Variants in LTBP1 observed in about 807,000 individuals in gnomAD.
LTBP1 encodes latent-transforming growth factor beta-binding protein 1.
Under a neutral mutation model 207.6 loss-of-function variants are expected in LTBP1, and 129 were observed. That is an observed-to-expected ratio of 0.62 (90% CI 0.54 to 0.72). The LOEUF (loss-of-function observed/expected upper bound fraction) is 0.72, where lower values mean the gene tolerates loss of function less well. Ranked by LOEUF, LTBP1 falls within the 30% of genes least tolerant of loss-of-function variation. The probability of loss-of-function intolerance (pLI) is 0.00; values close to 1 mark genes in which losing one functional copy is unlikely to be tolerated. For synonymous variants in LTBP1, 963 were observed against 833.7 expected (o/e 1.16, Z -2.67); for missense variants, 2,281 against 2,217.2 (o/e 1.03, Z -0.58).
chr2:33,384,415 G>T (rs901541206), intron 31 of LTBP1, among the ~76,000 whole-genome samples: 6 of 152,152 alleles, frequency 3.9e-5, no homozygotes, highest in African/African-American at 7.2e-5. Flanking sequence ...GGGTCTTTGA[G>T]GTGTGACTGT....
chr2:32,955,370 A>G (rs1196609266), intron 2 of LTBP1, among the ~76,000 whole-genome samples: 1 of 152,196 alleles, frequency 6.6e-6, no homozygotes, highest in Non-Finnish European at 1.5e-5. Flanking sequence ...ATATATGTGT[A>G]TTTTTGGGAG....
At chr2:33,321,650 T>A (rs1004299638) in intron 24 of LTBP1, among the ~76,000 whole-genome samples, 1 of 152,174 alleles carries the variant, frequency 6.6e-6, no homozygotes, top group Non-Finnish European at 1.5e-5. Context: ...TAGAAAATGC[T>A]TTTGAAAATG....
chr2:33,226,403 G>A (rs1229700585), intron 9 of LTBP1, among the ~76,000 whole-genome samples: 5 of 152,308 alleles, frequency 3.3e-5, no homozygotes, highest in Admixed American at 3.3e-4. Context: ...TTTTGGCTCT[G>A]CTCAGGAAAG....
intron 2 of LTBP1, among the ~76,000 whole-genome samples, chr2:32,980,949 G>A (rs1212304165): frequency 2.0e-5 from 3 of 152,196 alleles, no homozygotes; most frequent in African/African-American, 7.2e-5. Flanking sequence ...GCTGCCAGAT[G>A]TATTGCGCTC....
intron 7 of LTBP1, among the ~76,000 whole-genome samples, chr2:33,214,407 C>G (rs1278853686): frequency 6.6e-6 from 1 of 152,182 alleles, no homozygotes; most frequent in African/African-American, 2.4e-5. Context: ...CCCGTTTGTT[C>G]TCACGTTGGA....
intron 25 of LTBP1, among the ~76,000 whole-genome samples, chr2:33,346,957 A>G (rs1033655259): frequency 2.6e-5 from 4 of 151,978 alleles, no homozygotes; most frequent in Non-Finnish European, 5.9e-5. Context: ...GCTACTTAAA[A>G]TACAAAACAA....
intron 5 of LTBP1, among the ~76,000 whole-genome samples, chr2:33,141,766 A>T (rs1375601636): frequency 6.6e-6 from 1 of 152,154 alleles, no homozygotes; most frequent in Non-Finnish European, 1.5e-5. Context: ...TATTTTGTCT[A>T]AACCGTGGAG....
chr2:33,284,755 T>G (rs545991203), intron 19 of LTBP1, among the ~76,000 whole-genome samples: 3 of 152,322 alleles, frequency 2.0e-5, no homozygotes, highest in East Asian at 1.9e-4. Flanking sequence ...GTAGAGATCT[T>G]AGTTCCCTGA....
intron 26 of LTBP1, among the ~76,000 whole-genome samples, chr2:33,359,062 C>T (rs2094897244): frequency 1.3e-5 from 2 of 152,184 alleles, no homozygotes; most frequent in African/African-American, 4.8e-5. Flanking sequence ...GCATAGAAAT[C>T]AGCATTTGAG....
At chr2:33,264,727 T>G (rs1421804903) in intron 15 of LTBP1, among the ~76,000 whole-genome samples, 1 of 152,166 alleles carries the variant, frequency 6.6e-6, no homozygotes, top group Admixed American at 6.6e-5. Flanking sequence ...CAAATTTTTT[T>G]ATTAGGGTGA....
chr2:33,230,523 C>G (rs1278731546), intron 9 of LTBP1, among the ~76,000 whole-genome samples: 1 of 152,046 alleles, frequency 6.6e-6, no homozygotes, highest in Non-Finnish European at 1.5e-5. Context: ...TAGTTATATG[C>G]TCTGATGGAT....
chr2:33,047,620 G>T (rs529531546), intron 3 of LTBP1, among the ~76,000 whole-genome samples: 1 of 152,164 alleles, frequency 6.6e-6, no homozygotes, highest in Non-Finnish European at 1.5e-5. Flanking sequence ...TTCTGTAGAC[G>T]TCTGTTAGAT....
intron 4 of LTBP1, among the ~76,000 whole-genome samples, chr2:33,119,676 C>T (rs907910699): frequency 6.6e-6 from 1 of 152,188 alleles, no homozygotes; most frequent in South Asian, 2.1e-4. Context: ...TCTGCCTCAG[C>T]TTCCCGAGTA....
intron 4 of LTBP1, among the ~76,000 whole-genome samples, chr2:33,114,582 T>A (rs551806686): frequency 6.6e-6 from 1 of 152,270 alleles, no homozygotes; most frequent in South Asian, 2.1e-4. Context: ...CTCCAGAGCA[T>A]GACAATTCTC....
chr2:33,206,481 C>T (rs986389036), intron 7 of LTBP1, among the ~76,000 whole-genome samples: 2 of 152,156 alleles, frequency 1.3e-5, no homozygotes, highest in African/African-American at 2.4e-5. Context: ...TGGCTCACCC[C>T]TGTAATCCCA....
chr2:33,367,478 A>T (rs189442839), intron 31 of LTBP1, among the ~76,000 whole-genome samples: 108 of 152,274 alleles, frequency 7.1e-4, no homozygotes, highest in Non-Finnish European at 1.4e-3. Context: ...CCCAATAGGT[A>T]ATTTTTCAAC....
At chr2:32,962,896 C>G (rs1356337198) in intron 2 of LTBP1, among the ~76,000 whole-genome samples, 1 of 152,232 alleles carries the variant, frequency 6.6e-6, no homozygotes, top group Admixed American at 6.5e-5. Flanking sequence ...GTGTTTTAAC[C>G]AGGCCTCTTG....
chr2:33,164,737 G>C (rs2084776901), intron 5 of LTBP1, among the ~76,000 whole-genome samples: 1 of 152,186 alleles, frequency 6.6e-6, no homozygotes, highest in South Asian at 2.1e-4. Flanking sequence ...CTGGAGATTT[G>C]GCTCCACTGA....
At chr2:33,100,789 C>T (rs1199484499) in intron 3 of LTBP1, among the ~76,000 whole-genome samples, 1 of 152,192 alleles carries the variant, frequency 6.6e-6, no homozygotes, top group Admixed American at 6.5e-5. Context: ...GGAATCAAAT[C>T]ATACAGCATT....
Sources: allele counts gnomAD v4.1 joint callset (sites outside exome capture counted in the v4.1 genomes callset), GRCh38; gene constraint gnomAD v4.1.1; transcripts MANE v1.5; gene names NCBI Gene and HGNC (gene_info 2026-07-23, HGNC 2026-07-21).